Variants in PDZRN3 observed in about 807,000 individuals in gnomAD.
PDZRN3 encodes the protein PDZ domain containing ring finger 3.
PDZRN3 carries 38 observed loss-of-function variants against 85.7 expected under a neutral mutation model. The observed-to-expected ratio is 0.44, with a 90% CI of 0.34 to 0.58. PDZRN3 has a LOEUF of 0.58. Among genes scored for constraint, PDZRN3 ranks in the 20% least tolerant of loss-of-function variants. The pLI is 0.01. For missense variants in PDZRN3, 1,629 were observed against 1,506.4 expected (o/e 1.08, Z -1.35); for synonymous variants, 759 against 638.0 (o/e 1.19, Z -2.86).
intron 3 of PDZRN3, among the ~76,000 whole-genome samples, chr3:73,485,394 C>T (rs1292154608): frequency 6.6e-6 from 1 of 151,562 alleles, no homozygotes; most frequent in African/African-American, 2.4e-5. Context: ...ACTCTTTTTA[C>T]TTCTTTACAA....
In PDZRN3 at chr3:73,462,372, T is replaced by C. The variant is rs1352188788; in HGVS notation, c.919-57977A>G. On this transcript the variant is annotated intron_variant, in intron 3 of 9. Transcript: ENST00000263666. ...TCCTGGCTAACACGGTGAAACCCTG[T>C]CTGTACTAAAAATACAAAAAAAATT... Among the ~76,000 whole-genome samples the C allele has an allele frequency of 5.9e-5, 9 of 151,954 alleles. 1 individual carries two copies. Among genetic ancestry groups the C allele is most frequent in the Admixed American group, 3.3e-4 (5 of 15,266 alleles).
intron 3 of PDZRN3, among the ~76,000 whole-genome samples, chr3:73,601,967 C>T (rs1026861149): frequency 5.3e-5 from 8 of 152,066 alleles, no homozygotes. Flanking sequence ...AGAATGACTC[C>T]AAAGCTGACA....
intron 2 of PDZRN3, among the ~76,000 whole-genome samples, chr3:73,606,757 T>G (rs1215346397): frequency 6.6e-6 from 1 of 152,188 alleles, no homozygotes; most frequent in Non-Finnish European, 1.5e-5. Context: ...ACAGATAATG[T>G]TCATCATTTT....
intron 5 of PDZRN3, among the ~76,000 whole-genome samples, chr3:73,396,034 CCGA>C (rs1701628429): frequency 6.6e-6 from 1 of 152,056 alleles, no homozygotes; most frequent in African/African-American, 2.4e-5. Flanking sequence ...ACCAGCCTGG[CCGA>C]CAAGGCGAAA....
intron 3 of PDZRN3, among the ~76,000 whole-genome samples, chr3:73,437,557 G>GCC (rs1351785332): frequency 6.6e-6 from 1 of 152,158 alleles, no homozygotes; most frequent in Non-Finnish European, 1.5e-5. Context: ...GTGTCTAAGA[G>GCC]CCTCACACTG....
intron 3 of PDZRN3, among the ~76,000 whole-genome samples, chr3:73,472,433 C>T (rs1354964921): frequency 6.6e-6 from 1 of 152,226 alleles, no homozygotes; most frequent in African/African-American, 2.4e-5. Context: ...CACGGTGTTG[C>T]TGTTCAAAAT....
At chr3:73,434,090 T>G (rs953211525) in intron 3 of PDZRN3, 1 of 341,402 alleles carries the variant, frequency 2.9e-6, no homozygotes, top group Admixed American at 6.5e-5. Flanking sequence ...ATACAGAAGC[T>G]ATAATTGCCA....
intron 3 of PDZRN3, among the ~76,000 whole-genome samples, chr3:73,498,463 A>T (rs1703911210): frequency 6.6e-6 from 1 of 152,236 alleles, no homozygotes; most frequent in Non-Finnish European, 1.5e-5. Flanking sequence ...AAAATGGTCG[A>T]GTACTTTTTC....
rs557150517 is a variant in PDZRN3 at position 73,390,451 on chromosome 3, T to C, written c.1353+567A>G. On this transcript the variant is annotated intron_variant, in intron 6 of 9. Coordinates refer to ENST00000263666, the MANE Select transcript of PDZRN3 (RefSeq NM_015009.3). Reference sequence around the variant, plus strand: ...CGACAAATTTTATTTCCTGACAAAATTGGGTTTCTGTGTTTGCAAGGATGG... The same window carrying C: ...CGACAAATTTTATTTCCTGACAAAACTGGGTTTCTGTGTTTGCAAGGATGG... Among the ~76,000 whole-genome samples, 4 of 152,210 alleles carry C rather than the reference T, an allele frequency of 2.6e-5. No homozygotes were observed. In the South Asian group the frequency reaches 6.2e-4, roughly 24 times the overall value.
intron 3 of PDZRN3, among the ~76,000 whole-genome samples, chr3:73,442,094 G>A (rs1236251141): frequency 1.3e-5 from 2 of 152,204 alleles, no homozygotes; most frequent in Non-Finnish European, 2.9e-5. Context: ...TTGTGGCTCT[G>A]TGATCTGGGC....
chr3:73,463,661 A>C (rs1703151928), intron 3 of PDZRN3, among the ~76,000 whole-genome samples: 2 of 152,206 alleles, frequency 1.3e-5, no homozygotes, highest in Admixed American at 1.3e-4. Context: ...CAGCAACCCC[A>C]TTATTGGATA....
At chr3:73,507,987 G>A (rs1217613765) in intron 3 of PDZRN3, among the ~76,000 whole-genome samples, 1 of 152,052 alleles carries the variant, frequency 6.6e-6, no homozygotes, top group Non-Finnish European at 1.5e-5. Context: ...CAGCTACTTG[G>A]GAGGCTGAGG....
At chr3:73,471,306 C>T (rs972725491) in intron 3 of PDZRN3, among the ~76,000 whole-genome samples, 1 of 152,144 alleles carries the variant, frequency 6.6e-6, no homozygotes, top group Admixed American at 6.5e-5. Context: ...AAGGTCCCCC[C>T]CCAGGTTTCA....
chr3:73,422,217 G>GTGAC (rs1473172869), intron 3 of PDZRN3, among the ~76,000 whole-genome samples: 1 of 152,196 alleles, frequency 6.6e-6, no homozygotes, highest in Non-Finnish European at 1.5e-5. Context: ...AATGGAATGA[G>GTGAC]TGACAGGATG....
chr3:73,481,476 A>C (rs1335898804), intron 3 of PDZRN3, among the ~76,000 whole-genome samples: 1 of 152,050 alleles, frequency 6.6e-6, no homozygotes, highest in African/African-American at 2.4e-5. Context: ...GATTACAGGC[A>C]TGCGCCTTCA....
intron 3 of PDZRN3, chr3:73,474,358 C>A: frequency 1.5e-6 from 1 of 651,214 alleles, no homozygotes; most frequent in South Asian, 2.0e-5. Flanking sequence ...TGCAGTATTT[C>A]TAAAGCAAAC....
intron 3 of PDZRN3, among the ~76,000 whole-genome samples, chr3:73,583,794 AC>A (rs1702235003): frequency 6.6e-6 from 1 of 152,092 alleles, no homozygotes; most frequent in Non-Finnish European, 1.5e-5. Flanking sequence ...GACTGATCCC[AC>A]CTTAGACTCT....
chr3:73,397,021 C>A (rs13074820), intron 5 of PDZRN3, among the ~76,000 whole-genome samples: 1 of 149,930 alleles, frequency 6.7e-6, no homozygotes, highest in South Asian at 2.1e-4. Flanking sequence ...TCTTTTATTT[C>A]TTTCTTCTTT....
chr3:73,612,942 A>G (rs1702706408), intron 1 of PDZRN3, among the ~76,000 whole-genome samples: 1 of 152,232 alleles, frequency 6.6e-6, no homozygotes, highest in Non-Finnish European at 1.5e-5. Context: ...GTTAAGCTGG[A>G]CATTCACATA....
Sources: gnomAD v4.1 joint callset for allele counts (sites outside exome capture counted in the v4.1 genomes callset) on GRCh38, gnomAD v4.1.1 for gene constraint, MANE v1.5 for transcripts, NCBI Gene and HGNC (gene_info 2026-07-23, HGNC 2026-07-21) for gene names.